Variants in CNTNAP2 observed in about 807,000 individuals in gnomAD.
CNTNAP2 encodes contactin-associated protein-like 2.
A neutral mutation model predicts 155.2 loss-of-function variants in CNTNAP2; 98 were observed. The ratio of observed to expected loss-of-function variants is 0.63; its 90% CI spans 0.54 to 0.75. The LOEUF (loss-of-function observed/expected upper bound fraction) is 0.75, where lower values mean the gene tolerates loss of function less well. Ranked by LOEUF, CNTNAP2 falls within the 30% of genes least tolerant of loss-of-function variation. The pLI is 0.00. For missense variants in CNTNAP2, 1,727 were observed against 1,688.1 expected, an observed-to-expected ratio of 1.02 and a Z score of -0.40; for synonymous variants, 651 against 631.2, an observed-to-expected ratio of 1.03 and a Z score of -0.47.
At chr7:146,992,834 G>A (rs1165312817) in intron 3 of CNTNAP2, among the ~76,000 whole-genome samples, 4 of 152,098 alleles carry the variant, frequency 2.6e-5, no homozygotes, top group Admixed American at 6.5e-5. Context: ...AAATTTGAAA[G>A]TATATTTTAA....
chr7:146,309,562 G>A lies in CNTNAP2; in HGVS notation c.97+192589G>A, dbSNP rs560738802. On this transcript the variant is annotated intron_variant, in intron 1 of 23. Coordinates refer to ENST00000361727, the MANE Select transcript of CNTNAP2 (RefSeq NM_014141.6). ...CATGCATGTAATCCCAGCATTTTGG[G>A]AGGCTGAGGCAGGTGGATCACCTAA... Among the ~76,000 whole-genome samples, 3 of 152,258 alleles carry A rather than the reference G, an allele frequency of 2.0e-5. No homozygotes were observed. In the South Asian group the frequency reaches 6.2e-4, roughly 32 times the overall value.
intron 21 of CNTNAP2, among the ~76,000 whole-genome samples, chr7:148,325,270 TTGTAAGAAAAACAG>T (rs1364615623): frequency 2.6e-5 from 4 of 152,256 alleles, no homozygotes; most frequent in African/African-American, 4.8e-5. Context: ...AAAAGTAGTT[TTGTAAGAAAAACAG>T]TGTAAGAAAA....
At chr7:148,160,410 TAAA>T (rs532581576) in intron 17 of CNTNAP2, among the ~76,000 whole-genome samples, 263 of 133,514 alleles carry the variant, frequency 2.0e-3, no homozygotes, top group African/African-American at 7.0e-3. Context: ...ACCCTAACTC[TAAA>T]AAAAAAAAAA....
intron 13 of CNTNAP2, among the ~76,000 whole-genome samples, chr7:147,805,365 T>C (rs1203413989): frequency 6.6e-6 from 1 of 152,234 alleles, no homozygotes; most frequent in Non-Finnish European, 1.5e-5. Context: ...TTATATCATC[T>C]AAAAACAAGG....
chr7:146,180,452 T>C (rs944532055), intron 1 of CNTNAP2, among the ~76,000 whole-genome samples: 4 of 152,170 alleles, frequency 2.6e-5, no homozygotes, highest in Non-Finnish European at 5.9e-5. Flanking sequence ...TCTATCAAAA[T>C]AGATCTGCCT....
chr7:147,693,583 G>A (rs967927306), intron 13 of CNTNAP2, among the ~76,000 whole-genome samples: 7 of 151,646 alleles, frequency 4.6e-5, no homozygotes, highest in African/African-American at 9.7e-5. Context: ...TATCATTTTC[G>A]GGGGGCGCTG....
intron 10 of CNTNAP2, among the ~76,000 whole-genome samples, chr7:147,443,136 G>A (rs1797672673): frequency 6.6e-6 from 1 of 152,028 alleles, no homozygotes; most frequent in African/African-American, 2.4e-5. Context: ...GATTATTTAG[G>A]GCCGGGCCTC....
At chr7:147,423,126 G>T (rs1399167739) in intron 10 of CNTNAP2, among the ~76,000 whole-genome samples, 1 of 152,120 alleles carries the variant, frequency 6.6e-6, no homozygotes, top group African/African-American at 2.4e-5. Flanking sequence ...AACAGGTGGA[G>T]ATATAAGGAC....
intron 1 of CNTNAP2, among the ~76,000 whole-genome samples, chr7:146,556,768 A>T (rs909998964): frequency 1.3e-5 from 2 of 152,154 alleles, no homozygotes; most frequent in Non-Finnish European, 2.9e-5. Flanking sequence ...GGCAGAGAGG[A>T]CAGCATAAGA....
chr7:148,040,877 C>T (rs2527053), intron 15 of CNTNAP2, among the ~76,000 whole-genome samples: 3,489 of 151,892 alleles, frequency 0.023, 131 homozygotes, highest in African/African-American at 0.081. Context: ...CACAGTGGCT[C>T]ACACCTGTAA....
intron 1 of CNTNAP2, among the ~76,000 whole-genome samples, chr7:146,270,128 C>T (rs983440780): frequency 6.6e-6 from 1 of 152,194 alleles, no homozygotes; most frequent in Non-Finnish European, 1.5e-5. Flanking sequence ...CCATCCTCCA[C>T]ATTTTCACGA....
At chr7:146,235,620 ACC>A (rs988787524) in intron 1 of CNTNAP2, among the ~76,000 whole-genome samples, 2 of 152,148 alleles carry the variant, frequency 1.3e-5, no homozygotes, top group South Asian at 4.1e-4. Context: ...GGGTTCTTAT[ACC>A]CCTTTTCCCC....
At chr7:148,253,128 C>G (rs548350397) in intron 20 of CNTNAP2, among the ~76,000 whole-genome samples, 1 of 152,160 alleles carries the variant, frequency 6.6e-6, no homozygotes, top group East Asian at 1.9e-4. Flanking sequence ...TCAATCCAAA[C>G]TTTGCATCCT....
At chr7:148,346,264 G>A (rs148098673) in intron 21 of CNTNAP2, among the ~76,000 whole-genome samples, 3 of 152,230 alleles carry the variant, frequency 2.0e-5, no homozygotes, top group East Asian at 1.9e-4. Context: ...AGATATTCCC[G>A]CTTTCTGTTT....
chr7:147,866,741 G>C (rs1198011316), intron 13 of CNTNAP2, among the ~76,000 whole-genome samples: 1 of 133,298 alleles, frequency 7.5e-6, no homozygotes, highest in Non-Finnish European at 1.6e-5. Flanking sequence ...GACTAGGATT[G>C]CAACCCCTGT....
intron 1 of CNTNAP2, among the ~76,000 whole-genome samples, chr7:146,221,716 G>A (rs1256015344): frequency 1.3e-5 from 2 of 152,200 alleles, no homozygotes; most frequent in Non-Finnish European, 2.9e-5. Context: ...GAATTCTGTT[G>A]TGAGAGCACT....
At chr7:147,345,329 A>G (rs1350210590) in intron 9 of CNTNAP2, among the ~76,000 whole-genome samples, 1 of 152,210 alleles carries the variant, frequency 6.6e-6, no homozygotes, top group Non-Finnish European at 1.5e-5. Flanking sequence ...TTAAAACTTT[A>G]TAACTTTATG....
chr7:147,009,713 C>T (rs1467727934), intron 3 of CNTNAP2, among the ~76,000 whole-genome samples: 1 of 152,066 alleles, frequency 6.6e-6, no homozygotes, highest in Non-Finnish European at 1.5e-5. Context: ...TAGTTCCCAA[C>T]ATTAATGAGA....
At chr7:147,997,481 G>A (rs566317791) in intron 15 of CNTNAP2, among the ~76,000 whole-genome samples, 32 of 151,916 alleles carry the variant, frequency 2.1e-4, no homozygotes, top group Admixed American at 1.0e-3. Context: ...CGCTTGAACC[G>A]GGAGGCGGAG....
Sources: allele counts gnomAD v4.1 joint callset (sites outside exome capture counted in the v4.1 genomes callset), GRCh38; gene constraint gnomAD v4.1.1; transcripts MANE v1.5; gene names NCBI Gene and HGNC (gene_info 2026-07-23, HGNC 2026-07-21).